NUDT11: variants seen among roughly 807,000 people sequenced by gnomAD.
NUDT11 encodes nudix hydrolase 11.
NUDT11 carries 1 observed loss-of-function variant against 10.0 expected under a neutral mutation model. The observed-to-expected ratio is 0.10, with a 90% confidence interval of 0.04 to 0.47. The LOEUF is 0.47. Among genes scored for constraint, NUDT11 ranks in the 20% least tolerant of loss-of-function variants. NUDT11 has a pLI of 0.96. For missense variants in NUDT11, 47 were observed against 140.4 expected, an observed-to-expected ratio of 0.33 and a Z score of 3.36; for synonymous variants, 63 against 65.9, an observed-to-expected ratio of 0.96 and a Z score of 0.21.
In NUDT11 at chrX:51,496,238, T is replaced by C. The variant is rs376009430; in HGVS notation, c.207A>G (p.Glu69=). Residue 69 remains glutamate (E), a synonymous_variant, in exon 1 of 2, where the codon GAA becomes GAG. Transcript: ENST00000375992. ...GGCCTAACTTCCCCTTGACTCCCGC[T>C]TCTTCGTACACCTCTCGGACCGCCG... is the stretch of plus-strand genomic sequence containing the variant. The part of the protein sequence containing the change: ...GGAAVREVYE[E]AGVKGKLGRL... 531 of 1,209,353 alleles carry C rather than the reference T, an allele frequency of 4.4e-4. 2 individuals carry two copies. Among genetic ancestry groups the C allele is most frequent in the East Asian group, 1.9e-3 (64 of 33,701 alleles).
Position 51,491,336 on chromosome X carries a change from G to C in NUDT11, c.*413C>G. ...GCATATACTCTACTAGCACCAGATT[G>C]GAAGGGGAATGTTTTGCCACACGGT... On this transcript the variant is annotated 3_prime_UTR_variant, in exon 2 of 2. Transcript: ENST00000375992. 1 of 137,377 alleles carries C rather than the reference G, an allele frequency of 7.3e-6. No homozygotes were observed. The highest frequency in any genetic ancestry group is 1.4e-5 in the Non-Finnish European group (1 of 69,142). The allele number at this position is 137,377 out of a possible 1,213,427, so 11.3% of individuals were successfully genotyped here. A position where few individuals can be genotyped will look rare whatever the true frequency, so the allele number is the denominator to read the frequency against.
At chrX:51,493,098 AAC>A (rs1925629587) in intron 1 of NUDT11, among the ~76,000 whole-genome samples, 1 of 112,492 alleles carries the variant, frequency 8.9e-6, no homozygotes, top group South Asian at 3.7e-4. Flanking sequence ...TTTGTATCTA[AAC>A]ACACACATAC....
rs369778060 is a variant in NUDT11 at position 51,496,208 on chromosome X, G to A, written c.237C>T (p.Leu79=). The change falls in exon 1 of 2, where the codon CTC becomes CTT. Residue 79 remains leucine, a synonymous_variant. Transcript: ENST00000375992. The part of the protein sequence containing the change: ...EAGVKGKLGR[L]LGVFEQNQDR... The stretch of plus-strand genomic sequence containing the variant: ...CCTGGTTCTGTTCGAAGACGCCCAG[G>A]AGCCGGCCTAACTTCCCCTTGACTC... 5.2e-5 allele frequency: 63 copies of A among 1,209,450 alleles called. No homozygotes were observed. Among genetic ancestry groups the A allele is most frequent in the Non-Finnish European group, 6.6e-5 (59 of 895,013 alleles).
rs1214176971 is a variant in NUDT11, at chrX:51,495,801, G to A, written c.494+150C>T. 100 of 884,905 alleles carry A rather than the reference G, an allele frequency of 1.1e-4. 1 individual carries two copies. Among genetic ancestry groups the A allele is most frequent in the Non-Finnish European group, 1.5e-4 (96 of 646,115 alleles). 72.9% of individuals were successfully genotyped at this position (884,905 alleles called of 1,213,427 possible). A position where few individuals can be genotyped will look rare whatever the true frequency, so the allele number is the denominator to read the frequency against. On this transcript the variant is annotated intron_variant, in intron 1 of 1. Coordinates refer to ENST00000375992, the MANE Select transcript of NUDT11 (RefSeq NM_018159.4). ...CAGGGCCTGGCAACTGAGACAGTTT[G>A]CAAGCGTGATTCAGAGGGTCTGCCA...
chrX:51,493,908 G>A (rs1332505657), intron 1 of NUDT11, among the ~76,000 whole-genome samples: 5 of 111,687 alleles, frequency 4.5e-5, no homozygotes, highest in Non-Finnish European at 9.4e-5. Flanking sequence ...GAAAGTACGA[G>A]TTAAGTCTCC....
chrX:51,494,698 A>G (rs2146660391), intron 1 of NUDT11, among the ~76,000 whole-genome samples: 1 of 111,445 alleles, frequency 9.0e-6, no homozygotes, highest in Non-Finnish European at 1.9e-5. Context: ...AATAATGAGT[A>G]GGAGGTTTTT....
In NUDT11 at chrX:51,496,586, T is replaced by G; in HGVS notation, c.-142A>C. 9.9e-7 allele frequency: 1 copy of G among 1,010,301 alleles called. No homozygotes were observed. Among genetic ancestry groups the G allele is most frequent in the Non-Finnish European group, 1.3e-6 (1 of 765,152 alleles). The allele number at this position is 1,010,301 out of a possible 1,213,427, so 83.3% of individuals were successfully genotyped here. On this transcript the variant is annotated 5_prime_UTR_variant, in exon 1 of 2. Transcript: ENST00000375992. ...CGAGGGGCGGGGAAAGAGAGGCGCCTCCGTCTGCCCGCGAGCCCGGGGAGC... is the reference window on the plus strand; with the variant it reads ...CGAGGGGCGGGGAAAGAGAGGCGCCGCCGTCTGCCCGCGAGCCCGGGGAGC...
chrX:51,493,767 A>T (rs1925644276), intron 1 of NUDT11, among the ~76,000 whole-genome samples: 1 of 111,537 alleles, frequency 9.0e-6, no homozygotes, highest in Admixed American at 9.5e-5. Flanking sequence ...AGAAAAGGAA[A>T]AACCACGACA....
At chrX:51,495,873 A>T in intron 1 of NUDT11, 78 bp downstream of exon 1, 1 of 1,166,354 alleles carries the variant, frequency 8.6e-7, no homozygotes, top group South Asian at 2.0e-5. Flanking sequence ...CGCACATGGC[A>T]CGAGAGGTGC....
chrX:51,493,757 A>C (rs1197276971), intron 1 of NUDT11, among the ~76,000 whole-genome samples: 1 of 111,289 alleles, frequency 9.0e-6, no homozygotes, highest in Non-Finnish European at 1.9e-5. Context: ...AAAAAAAAAA[A>C]GAAAAGGAAA....
At position 51,496,506 on chromosome X, in the gene NUDT11, T is replaced by C. The variant is rs1372721343; in HGVS notation, c.-62A>G. ...CTCTCGCTGCTGTGTGGGCCGCCGCTGCCGCTGCCGCCGCCGGGGAACAGC... is the reference window on the plus strand; with the variant it reads ...CTCTCGCTGCTGTGTGGGCCGCCGCCGCCGCTGCCGCCGCCGGGGAACAGC... On this transcript the variant is annotated 5_prime_UTR_variant, in exon 1 of 2. Transcript: ENST00000375992. The C allele has an allele frequency of 1.9e-5, 23 of 1,180,595 alleles. No individual in the cohort carries two copies. Among genetic ancestry groups the C allele is most frequent in the Non-Finnish European group, 2.2e-5 (19 of 879,195 alleles).
chrX:51,494,217 T>C (rs782018509), intron 1 of NUDT11, among the ~76,000 whole-genome samples: 1 of 112,408 alleles, frequency 8.9e-6, no homozygotes, highest in African/African-American at 3.2e-5. Flanking sequence ...AGTTACAAAA[T>C]ATTTTTTAAA....
At chrX:51,494,173 G>A (rs1557326430) in intron 1 of NUDT11, among the ~76,000 whole-genome samples, 1 of 111,404 alleles carries the variant, frequency 9.0e-6, no homozygotes, top group Non-Finnish European at 1.9e-5. Context: ...GTTTACCTGC[G>A]GAACAAATCT....
Position 51,496,245 on chromosome X carries a change from T to G in NUDT11, c.200A>C (p.Tyr67Ser). ...EPGGAAVREV[Y>S]EEAGVKGKLG... ...CTTCCCCTTGACTCCCGCTTCTTCG[T>G]ACACCTCTCGGACCGCCGCACCGCC... The change falls in exon 1 of 2, where the codon TAC (tyrosine) becomes TCC (serine). Residue 67 changes from tyrosine (Y) to serine (S), a missense_variant. Tyr to Ser is a moderately radical substitution (Grantham distance 144). Transcript: ENST00000375992. 8.3e-7 allele frequency: 1 copy of G among 1,211,202 alleles called. No homozygotes were observed. Among genetic ancestry groups the G allele is most frequent in the Admixed American group, 2.2e-5 (1 of 46,052 alleles).
rs1925595409 is a variant in NUDT11, at chrX:51,491,556, GTA to G, written c.*191_*192del. ...GGTGCTGAATTAAGAGTCTATTCAC[GTA>G]TAAGAGTACAACAACCAGAGCAAGA... On this transcript the variant is annotated 3_prime_UTR_variant, in exon 2 of 2. Coordinates refer to ENST00000375992, the MANE Select transcript of NUDT11 (RefSeq NM_018159.4). The G allele has an allele frequency of 2.3e-6, 1 of 429,459 alleles. No individual in the cohort carries two copies. The highest frequency in any genetic ancestry group is 3.9e-5 in the Admixed American group (1 of 25,390). 35.4% of individuals were successfully genotyped at this position (429,459 alleles called of 1,213,427 possible).
chrX:51,493,045 T>C (rs2146659610), intron 1 of NUDT11, among the ~76,000 whole-genome samples: 1 of 112,667 alleles, frequency 8.9e-6, no homozygotes, highest in Admixed American at 9.4e-5. Flanking sequence ...TATTTTCGAG[T>C]TTCTTCCCTT....
chrX:51,494,488 T>C (rs12854262), intron 1 of NUDT11, among the ~76,000 whole-genome samples: 11,993 of 111,671 alleles, frequency 0.11, 615 homozygotes, highest in Middle Eastern at 0.17. Flanking sequence ...CATATTTCTT[T>C]AGAAAGTGCA....
intron 1 of NUDT11, among the ~76,000 whole-genome samples, chrX:51,493,749 A>G (rs782182922): frequency 6.3e-5 from 7 of 111,279 alleles, no homozygotes; most frequent in African/African-American, 2.3e-4. Flanking sequence ...GTTTCTGGAA[A>G]AAAAAAAAGA....
At chrX:51,495,524 G>GTGCA (rs1293722434) in intron 1 of NUDT11, among the ~76,000 whole-genome samples, 1 of 111,577 alleles carries the variant, frequency 9.0e-6, no homozygotes, top group African/African-American at 3.3e-5. Context: ...TATCAAAAAT[G>GTGCA]CGCACGCACG....
Sources: allele counts gnomAD v4.1 joint callset (sites outside exome capture counted in the v4.1 genomes callset), GRCh38; gene constraint gnomAD v4.1.1; transcripts MANE v1.5; gene names NCBI Gene and HGNC (gene_info 2026-07-23, HGNC 2026-07-21).